The following RPGRIP1 variants were observed in gnomAD, a reference collection of about 807,000 sequenced individuals.
The protein encoded by RPGRIP1 is X-linked retinitis pigmentosa GTPase regulator-interacting protein 1.
Under a neutral mutation model 157.9 loss-of-function variants are expected in RPGRIP1, and 128 were observed. That is an observed-to-expected ratio of 0.81 (90% CI 0.70 to 0.94). The LOEUF is 0.94. Among genes scored for constraint, RPGRIP1 ranks in the 40% least tolerant of loss-of-function variants. The pLI is 0.00. For missense variants in RPGRIP1, 1,486 were observed against 1,545.8 expected, an observed-to-expected ratio of 0.96 and a Z score of 0.65; for synonymous variants, 554 against 571.6, an observed-to-expected ratio of 0.97 and a Z score of 0.44.
intron 1 of RPGRIP1, among the ~76,000 whole-genome samples, chr14:21,281,705 AAT>A (rs1566663247): frequency 0.068 from 1,595 of 23,298 alleles, 38 homozygotes; most frequent in African/African-American, 0.18. Flanking sequence ...AAAAAAAATA[AAT>A]AATAATAATA....
Position 21,322,032 on chromosome 14 carries a change from C to T in RPGRIP1, c.1762+28C>T, listed in dbSNP as rs938711255. On this transcript the variant is annotated intron_variant, in intron 14 of 24. Coordinates refer to ENST00000400017, the MANE Select transcript of RPGRIP1 (RefSeq NM_020366.4). ...AAGTCTTAGTCCTTTGTTCTCCTCA[C>T]TTCGGGACCCTTCCACAGCTAACGC... 8 of 1,556,910 alleles carry T rather than the reference C, an allele frequency of 5.1e-6. No homozygotes were observed. In the East Asian group the frequency reaches 6.7e-5, roughly 13 times the overall value.
chr14:21,333,446 C>T (rs1883996173), intron 20 of RPGRIP1, among the ~76,000 whole-genome samples: 1 of 152,188 alleles, frequency 6.6e-6, no homozygotes, highest in Non-Finnish European at 1.5e-5. Flanking sequence ...GCTTGCCATC[C>T]AGTTATCTAA....
At chr14:21,339,551 T>C (rs1884773733) in intron 21 of RPGRIP1, among the ~76,000 whole-genome samples, 1 of 152,220 alleles carries the variant, frequency 6.6e-6, no homozygotes, top group Admixed American at 6.5e-5. Context: ...ATGAAACATG[T>C]ATTTTTCAAT....
chr14:21,282,280 C>T (rs957037139), intron 1 of RPGRIP1, among the ~76,000 whole-genome samples: 1 of 151,906 alleles, frequency 6.6e-6, no homozygotes, highest in Non-Finnish European at 1.5e-5. Context: ...CTCTGTCACC[C>T]GGCTGGAGTG....
In RPGRIP1 at chr14:21,326,188, T is replaced by C; in HGVS notation, c.2710+15T>C. On this transcript the variant is annotated intron_variant, in intron 17 of 24. Transcript: ENST00000400017. The stretch of plus-strand genomic sequence containing the variant: ...ATCTATCAAAGGTGGGAGTTCGAGG[T>C]TATTACATCTTCACGCCCTCTTCCC... 1 of 1,507,866 alleles carries C rather than the reference T, an allele frequency of 6.6e-7. No individual in the cohort carries two copies. Among genetic ancestry groups the C allele is most frequent in the Non-Finnish European group, 9.0e-7 (1 of 1,111,566 alleles). The allele number at this position is 1,507,866 out of a possible 1,614,324, so 93.4% of individuals were successfully genotyped here.
chr14:21,307,880 C>T, intron 7 of RPGRIP1, 44 bp downstream of exon 7: 1 of 1,039,292 alleles, frequency 9.6e-7, no homozygotes, highest in Non-Finnish European at 1.4e-6. Flanking sequence ...GGGGGGAAAC[C>T]CCAATTAAGA....
intron 5 of RPGRIP1, 157 bp downstream of exon 5, chr14:21,302,741 A>T: frequency 4.5e-6 from 2 of 447,822 alleles, no homozygotes; most frequent in South Asian, 1.2e-4. Context: ...TCATTGCTTA[A>T]AAGTGGAAAA....
Position 21,330,235 on chromosome 14 carries a change from T to G in RPGRIP1, c.3100-14T>G, listed in dbSNP as rs758242901. On this transcript the variant is annotated splice_polypyrimidine_tract_variant and intron_variant, in intron 19 of 24. Transcript: ENST00000400017. Reference sequence around the variant, plus strand: ...TATTACCAGCTATGTAGTATTGTTGTTCTTATTCTGAAGCAGGTGAATTAC... The same window carrying G: ...TATTACCAGCTATGTAGTATTGTTGGTCTTATTCTGAAGCAGGTGAATTAC... The G allele has an allele frequency of 1.3e-6, 2 of 1,539,158 alleles. No individual in the cohort carries two copies. The highest frequency in any genetic ancestry group is 1.7e-6 in the Non-Finnish European group (2 of 1,151,050).
intron 20 of RPGRIP1, among the ~76,000 whole-genome samples, chr14:21,331,389 G>A (rs1343729686): frequency 4.6e-5 from 7 of 152,032 alleles, no homozygotes; most frequent in Admixed American, 2.6e-4. Context: ...GGGCATGGTG[G>A]CATCTGCCTG....
chr14:21,345,019 A>C (rs1004954337), intron 22 of RPGRIP1, 94 bp from the exon 23 acceptor site: 5 of 814,336 alleles, frequency 6.1e-6, no homozygotes, highest in Non-Finnish European at 1.1e-5. Context: ...TAATCTTTTT[A>C]TGAAAACTAC....
chr14:21,320,110 A>C lies in RPGRIP1; in HGVS notation c.1400A>C (p.Gln467Pro). 6.2e-7 allele frequency: 1 copy of C among 1,613,910 alleles called. No homozygotes were observed. The highest frequency in any genetic ancestry group is 8.5e-7 in the Non-Finnish European group (1 of 1,179,848). Residue 467 changes from glutamine (Q) to proline (P), a missense_variant, in exon 12 of 25, where the codon CAA becomes CCA. Physicochemically the swap from Gln to Pro is moderately conservative, Grantham distance 76. Transcript: ENST00000400017. ...ELLQNAATIS[Q>P]PPDRQSEPAT... Reference sequence around the variant, plus strand: ...CTCCAAAATGCAGCCACAATTTCCCAACCTCCTGACAGGCAATCTGAACCA... The same window carrying C: ...CTCCAAAATGCAGCCACAATTTCCCCACCTCCTGACAGGCAATCTGAACCA...
At chr14:21,314,643 G>T (rs1881691144) in intron 10 of RPGRIP1, among the ~76,000 whole-genome samples, 1 of 150,988 alleles carries the variant, frequency 6.6e-6, no homozygotes, top group South Asian at 2.1e-4. Flanking sequence ...AACCCAGGAG[G>T]CAGAGGTTGG....
At chr14:21,306,238 T>C (rs1881299582) in intron 6 of RPGRIP1, among the ~76,000 whole-genome samples, 1 of 140,606 alleles carries the variant, frequency 7.1e-6, no homozygotes, top group Non-Finnish European at 1.5e-5. Flanking sequence ...TTCAAGCAAA[T>C]TCTCCTGCCT....
chr14:21,346,548 C>T (rs1885593174), intron 23 of RPGRIP1, among the ~76,000 whole-genome samples: 1 of 151,620 alleles, frequency 6.6e-6, no homozygotes, highest in African/African-American at 2.4e-5. Context: ...CAGACTCTGC[C>T]TCTAAGGAAA....
intron 23 of RPGRIP1, 32 bp downstream of exon 23, chr14:21,345,229 G>A (rs1293939531): frequency 1.4e-6 from 2 of 1,478,796 alleles, no homozygotes; most frequent in South Asian, 1.2e-5. Context: ...TGAAACAAAG[G>A]AGATATTGAG....
At chr14:21,335,279 C>G (rs1566357004) in intron 21 of RPGRIP1, among the ~76,000 whole-genome samples, 3 of 152,102 alleles carry the variant, frequency 2.0e-5, no homozygotes, top group Non-Finnish European at 4.4e-5. Context: ...TCCTTTGCCT[C>G]TTACTCCCAT....
intron 1 of RPGRIP1, among the ~76,000 whole-genome samples, chr14:21,286,463 T>G (rs1246719399): frequency 6.6e-6 from 1 of 151,324 alleles, no homozygotes; most frequent in South Asian, 2.1e-4. Flanking sequence ...AAAGTGAATT[T>G]GAGATATCTA....
In RPGRIP1 at chr14:21,301,194, G is replaced by A; in HGVS notation, c.447G>A (p.Gln149=). 6.3e-7 allele frequency: 1 copy of A among 1,594,658 alleles called. No individual in the cohort carries two copies. Among genetic ancestry groups the A allele is most frequent in the Admixed American group, 1.8e-5 (1 of 56,534 alleles). Residue 149 remains glutamine, a synonymous_variant, in exon 4 of 25, where the codon CAG becomes CAA. Coordinates refer to ENST00000400017, the MANE Select transcript of RPGRIP1 (RefSeq NM_020366.4). ...AQPRVQVGHR[Q]LHTAGAPVPE... is the part of the protein sequence containing the mutation. ...CTCGCGTCCAAGTGGGACACAGACA[G>A]CTCCACACAGCCGGTGCACCGGTGC...
At chr14:21,295,355 A>G (rs1444545582) in intron 3 of RPGRIP1, among the ~76,000 whole-genome samples, 1 of 152,100 alleles carries the variant, frequency 6.6e-6, no homozygotes. Context: ...AAAAGCCTGC[A>G]GGGGCAAGTA....
Sources: allele counts gnomAD v4.1 joint callset (sites outside exome capture counted in the v4.1 genomes callset), GRCh38; gene constraint gnomAD v4.1.1; transcripts MANE v1.5; gene names NCBI Gene and HGNC (gene_info 2026-07-23, HGNC 2026-07-21).